The following EBPL variants were observed in gnomAD, a reference collection of about 807,000 sequenced individuals.
EBPL encodes the protein EBP like, also known as emopamil-binding protein-like.
EBPL carries 20 observed loss-of-function variants against 19.0 expected under a neutral mutation model. That is an observed-to-expected ratio of 1.05 (90% confidence interval 0.74 to 1.53). The LOEUF (loss-of-function observed/expected upper bound fraction) is 1.53, where lower values mean the gene tolerates loss of function less well. Among genes scored for constraint, EBPL ranks in the 40% most tolerant of loss-of-function variants. The pLI, the probability that EBPL is intolerant of heterozygous loss-of-function variation, is 0.00. For synonymous variants in EBPL, 107 were observed against 117.0 expected, an observed-to-expected ratio of 0.91 and a Z score of 0.55; for missense variants, 219 against 261.1, an observed-to-expected ratio of 0.84 and a Z score of 1.11.
intron 1 of EBPL, among the ~76,000 whole-genome samples, chr13:49,677,397 G>A (rs1953888061): frequency 6.6e-6 from 1 of 152,202 alleles, no homozygotes; most frequent in East Asian, 1.9e-4. Context: ...CAATATCAGA[G>A]TTCCAAGTGA....
At chr13:49,674,997 C>T (rs558548821) in intron 1 of EBPL, among the ~76,000 whole-genome samples, 1 of 152,364 alleles carries the variant, frequency 6.6e-6, no homozygotes, top group Middle Eastern at 3.4e-3. Flanking sequence ...CTCAGCCCAA[C>T]ACCCAGCACT....
At chr13:49,670,979 T>G (rs1953809870) in intron 1 of EBPL, among the ~76,000 whole-genome samples, 1 of 152,340 alleles carries the variant, frequency 6.6e-6, no homozygotes, top group Admixed American at 6.5e-5. Flanking sequence ...GTTTTATCTG[T>G]AACTGGATTC....
At chr13:49,684,169 T>G (rs575122198) in intron 1 of EBPL, among the ~76,000 whole-genome samples, 2 of 152,298 alleles carry the variant, frequency 1.3e-5, no homozygotes, top group Admixed American at 1.3e-4. Flanking sequence ...GATGGAAACG[T>G]TCTATACTAC....
chr13:49,679,903 A>G (rs1452026500), intron 1 of EBPL, among the ~76,000 whole-genome samples: 1 of 152,172 alleles, frequency 6.6e-6, no homozygotes, highest in Non-Finnish European at 1.5e-5. Context: ...ATATTAGTCA[A>G]TATATGTCTA....
At chr13:49,672,059 G>C (rs1000309778) in intron 1 of EBPL, among the ~76,000 whole-genome samples, 2 of 152,152 alleles carry the variant, frequency 1.3e-5, no homozygotes, top group Non-Finnish European at 2.9e-5. Flanking sequence ...ATGTGGCTAA[G>C]TTTGTTTCTG....
intron 1 of EBPL, chr13:49,686,542 T>C: frequency 7.8e-7 from 1 of 1,289,800 alleles, no homozygotes; most frequent in Non-Finnish European, 1.0e-6. Context: ...AATTCCATTC[T>C]GTGGATCCCA....
chr13:49,681,084 G>A (rs1460950823), intron 1 of EBPL, among the ~76,000 whole-genome samples: 1 of 152,156 alleles, frequency 6.6e-6, no homozygotes, highest in African/African-American at 2.4e-5. Flanking sequence ...AGAGGGTGAT[G>A]AGGAAAATTT....
At chr13:49,672,959 C>T (rs552009315) in intron 1 of EBPL, among the ~76,000 whole-genome samples, 8 of 152,094 alleles carry the variant, frequency 5.3e-5, no homozygotes, top group African/African-American at 7.2e-5. Context: ...ACTTAGGAGG[C>T]TGAGGCAGGA....
At chr13:49,671,232 G>A (rs192600178) in intron 1 of EBPL, among the ~76,000 whole-genome samples, 82 of 152,302 alleles carry the variant, frequency 5.4e-4, no homozygotes, top group African/African-American at 1.7e-3. Flanking sequence ...ACGCCTCCCG[G>A]GTTCAAGCGA....
At chr13:49,673,795 T>C (rs1478787291) in intron 1 of EBPL, among the ~76,000 whole-genome samples, 3 of 152,134 alleles carry the variant, frequency 2.0e-5, no homozygotes, top group African/African-American at 7.2e-5. Flanking sequence ...ATGGAGGACA[T>C]TGTTAGTGGT....
intron 1 of EBPL, among the ~76,000 whole-genome samples, chr13:49,678,024 G>C (rs942937820): frequency 1.2e-4 from 3 of 24,038 alleles, no homozygotes; most frequent in Non-Finnish European, 6.0e-4. Context: ...AGCGTGGAAG[G>C]GGACCCAAGC....
chr13:49,691,247 C>T lies in EBPL; in HGVS notation c.171+7G>A. 1.4e-6 allele frequency: 2 copies of T among 1,382,414 alleles called. No homozygotes were observed. The highest frequency in any genetic ancestry group is 2.9e-5 in the Admixed American group (1 of 34,490). 85.6% of individuals were successfully genotyped at this position (1,382,414 alleles called of 1,614,324 possible). A position where few individuals can be genotyped will look rare whatever the true frequency, so the allele number is the denominator to read the frequency against. ...GGGGAGTGCAGGGTCTAGGCGATGG[C>T]ACTTACCAGCGCGAAGTGCACCAGC... On this transcript the variant is annotated splice_region_variant and intron_variant, in intron 1 of 3. Coordinates refer to ENST00000242827, the MANE Select transcript of EBPL (RefSeq NM_032565.5).
chr13:49,668,719 A>G (rs1039933195), intron 2 of EBPL: 4 of 267,256 alleles, frequency 1.5e-5, no homozygotes, highest in Admixed American at 1.0e-4. Flanking sequence ...TAGAATATCA[A>G]TGCTAATTGA....
chr13:49,685,288 T>C (rs1473254756), intron 1 of EBPL, among the ~76,000 whole-genome samples: 1 of 152,144 alleles, frequency 6.6e-6, no homozygotes, highest in Non-Finnish European at 1.5e-5. Flanking sequence ...AACATATCCA[T>C]ACATATAAAA....
chr13:49,662,468 C>T lies in EBPL; in HGVS notation c.380+589G>A, dbSNP rs1965164763. ...AGGATGGACGTATTATGGTTTTATT[C>T]TCCAAAGTATTGGTGGCAAATCATC... On this transcript the variant is annotated intron_variant, in intron 3 of 3. Transcript: ENST00000242827. Among the ~76,000 whole-genome samples, 3 of 152,212 alleles carry T rather than the reference C, an allele frequency of 2.0e-5. No individual in the cohort carries two copies. The South Asian group carries it at 6.2e-4, about 31-fold the overall frequency.
intron 1 of EBPL, among the ~76,000 whole-genome samples, chr13:49,688,079 C>T (rs746867526): frequency 2.2e-4 from 33 of 152,176 alleles, no homozygotes; most frequent in Admixed American, 5.2e-4. Flanking sequence ...ATGTTTCTGG[C>T]CATGCCTGAA....
At chr13:49,676,255 G>GC (rs1555300966) in intron 1 of EBPL, among the ~76,000 whole-genome samples, 33 of 152,054 alleles carry the variant, frequency 2.2e-4, no homozygotes, top group African/African-American at 7.0e-4. Context: ...TGAATCTTGA[G>GC]CCCCCCTCCC....
intron 1 of EBPL, chr13:49,686,675 AG>A: frequency 8.0e-7 from 1 of 1,249,506 alleles, no homozygotes; most frequent in Non-Finnish European, 1.0e-6. Flanking sequence ...CAGCAAAAGC[AG>A]TCATACCTGG....
At chr13:49,681,904 C>T (rs552922276) in intron 1 of EBPL, among the ~76,000 whole-genome samples, 1 of 152,240 alleles carries the variant, frequency 6.6e-6, no homozygotes, top group African/African-American at 2.4e-5. Flanking sequence ...TGAAGTGGAG[C>T]AGGAATAGAA....
Sources: gnomAD v4.1 joint callset for allele counts (sites outside exome capture counted in the v4.1 genomes callset) on GRCh38, gnomAD v4.1.1 for gene constraint, MANE v1.5 for transcripts, NCBI Gene and HGNC (gene_info 2026-07-23, HGNC 2026-07-21) for gene names.